The following PAICS variants were observed in gnomAD, a reference collection of about 807,000 sequenced individuals.
The protein encoded by PAICS is bifunctional phosphoribosylaminoimidazole carboxylase/phosphoribosylaminoimidazole succinocarboxamide synthetase.
Under a neutral mutation model 53.7 loss-of-function variants are expected in PAICS, and 33 were observed. The ratio of observed to expected loss-of-function variants is 0.61; its 90% CI spans 0.47 to 0.82. The LOEUF is 0.82. PAICS is among the 40% of genes least tolerant of loss of function. The pLI is 0.00. For missense variants in PAICS, 394 were observed against 494.1 expected, an observed-to-expected ratio of 0.80 and a Z score of 1.92; for synonymous variants, 141 against 167.2, an observed-to-expected ratio of 0.84 and a Z score of 1.21.
chr4:56,436,009 C>G, upstream of PAICS: 1 of 1,521,408 alleles, frequency 6.6e-7, no homozygotes, highest in South Asian at 1.1e-5. Flanking sequence ...GGAGGGGCCG[C>G]CAGTGCGCGC....
chr4:56,421,717 G>A, the PAICS span: 2 of 152,226 alleles, frequency 1.3e-5, no homozygotes, highest in Non-Finnish European at 2.9e-5. Flanking sequence ...AAACTGGTAT[G>A]CTAGAGAACT....
chr4:56,457,647 TCA>T (rs1719282674), intron 8 of PAICS, among the ~76,000 whole-genome samples: 1 of 151,058 alleles, frequency 6.6e-6, no homozygotes, highest in Non-Finnish European at 1.5e-5. Context: ...TTCCCTGCTT[TCA>T]GTTTAGAATT....
At position 56,459,527 on chromosome 4, in the gene PAICS, T is replaced by G. The variant is rs1219242469; in HGVS notation, c.1267T>G (p.Cys423Gly). The G allele has an allele frequency of 6.4e-7, 1 of 1,551,170 alleles. No individual in the cohort carries two copies. Among genetic ancestry groups the G allele is most frequent in the Non-Finnish European group, 8.8e-7 (1 of 1,138,508 alleles). ...GCAGGCTGACAAGAAAATCAGAGAA[T>G]GTAATTTATAAGAAAGAATGCCATT... ...LKQADKKIRE[C>G]NL Residue 423 changes from cysteine (C) to glycine (G), a missense_variant, in exon 9 of 9, where the codon TGT (cysteine) becomes GGT (glycine). Cys to Gly is a radical substitution (Grantham distance 159). Transcript: ENST00000512576.
intron 1 of PAICS, among the ~76,000 whole-genome samples, chr4:56,437,347 C>G (rs1213349087): frequency 6.7e-6 from 1 of 149,470 alleles, no homozygotes; most frequent in Admixed American, 6.7e-5. Flanking sequence ...AACTCCAAAA[C>G]CTTTAGGCAA....
At chr4:56,425,955 T>G in the PAICS span, among the ~76,000 whole-genome samples, 1 of 152,224 alleles carries the variant, frequency 6.6e-6, no homozygotes, top group African/African-American at 2.4e-5. Context: ...GTCTTTACTT[T>G]TCTATTCTCA....
chr4:56,457,839 G>A (rs60972582), intron 8 of PAICS, among the ~76,000 whole-genome samples: 14 of 152,054 alleles, frequency 9.2e-5, no homozygotes, highest in African/African-American at 3.4e-4. Flanking sequence ...TTCTTGGTCT[G>A]CTAACTTAGC....
intron 5 of PAICS, among the ~76,000 whole-genome samples, chr4:56,450,417 GA>G (rs1480672690): frequency 6.6e-6 from 1 of 152,124 alleles, no homozygotes; most frequent in Non-Finnish European, 1.5e-5. Flanking sequence ...TGCTAGTACA[GA>G]AAACACTTAA....
At chr4:56,452,230 G>A (rs1718956869) in intron 7 of PAICS, among the ~76,000 whole-genome samples, 178 bp downstream of exon 7, 1 of 152,074 alleles carries the variant, frequency 6.6e-6, no homozygotes, top group African/African-American at 2.4e-5. Context: ...CCAGGCTGGA[G>A]TACAGTGGCG....
chr4:56,433,469 ACTCC>A, upstream of PAICS, among the ~76,000 whole-genome samples: 1 of 151,202 alleles, frequency 6.6e-6, no homozygotes, highest in Non-Finnish European at 1.5e-5. Flanking sequence ...GGGTACTAAA[ACTCC>A]AACCAGTGCT....
Position 56,441,746 on chromosome 4 carries a change from C to T in PAICS, c.100C>T (p.Gln34Ter), listed in dbSNP as rs1182426731. 1 of 1,604,334 alleles carries T rather than the reference C, an allele frequency of 6.2e-7. No individual in the cohort carries two copies. Among genetic ancestry groups the T allele is most frequent in the Non-Finnish European group, 8.5e-7 (1 of 1,174,358 alleles). The change falls in exon 2 of 9, where the codon CAG becomes TAG. Residue 34 changes from glutamine to a stop codon, truncating the protein, a stop_gained. Coordinates refer to ENST00000512576, the MANE Select transcript of PAICS (RefSeq NM_001079524.2). LOFTEE classifies it high-confidence loss of function. ...LLDSPGKVLL[Q>*]SKDQITAGNA... ...AGACAGTCCAGGAAAAGTCCTCCTG[C>T]AGTCCAAGGACCAGATTACAGCAGG...
chr4:56,437,256 GGT>G (rs57161391), intron 1 of PAICS, among the ~76,000 whole-genome samples: 16,390 of 124,068 alleles, frequency 0.13, 961 homozygotes, highest in Admixed American at 0.15. Flanking sequence ...ATGCCATGAT[GGT>G]GTGTGTGTGT....
chr4:56,421,705 A>G, the PAICS span: 1 of 152,278 alleles, frequency 6.6e-6, no homozygotes, highest in African/African-American at 2.4e-5. Context: ...TGGACAAGAA[A>G]GAAACTGGTA....
chr4:56,433,494 T>C (rs1266958396), upstream of PAICS, among the ~76,000 whole-genome samples: 2 of 147,642 alleles, frequency 1.4e-5, no homozygotes, highest in East Asian at 2.0e-4. Context: ...AACATGTAAG[T>C]TAAAAAAAAA....
rs1009465714 is a variant in PAICS at position 56,459,672 on chromosome 4, C to G, written c.*134C>G. The G allele has an allele frequency of 3.1e-6, 2 of 639,518 alleles. No individual in the cohort carries two copies. Among genetic ancestry groups the G allele is most frequent in the South Asian group, 2.3e-5 (1 of 42,936 alleles). The allele number at this position is 639,518 out of a possible 1,614,324, so 39.6% of individuals were successfully genotyped here. Reference sequence around the variant, plus strand: ...AATGTATTAGTGAATAAATGCTTCTCTAGATCCATATTAATAAACATGAGC... The same window carrying G: ...AATGTATTAGTGAATAAATGCTTCTGTAGATCCATATTAATAAACATGAGC... On this transcript the variant is annotated 3_prime_UTR_variant, in exon 9 of 9. Coordinates refer to ENST00000512576, the MANE Select transcript of PAICS (RefSeq NM_001079524.2).
intron 3 of PAICS, 76 bp downstream of exon 3, chr4:56,446,949 TA>T (rs1466412765): frequency 3.6e-4 from 337 of 926,162 alleles, no homozygotes; most frequent in Non-Finnish European, 4.4e-4. Context: ...TCTAAAGGTT[TA>T]AATATTCAAG....
At chr4:56,456,670 A>G (rs1023469913) in intron 8 of PAICS, among the ~76,000 whole-genome samples, 1 of 149,172 alleles carries the variant, frequency 6.7e-6, no homozygotes. Flanking sequence ...CAGCCTCCCA[A>G]AGTGTTGGGA....
At chr4:56,442,991 G>A (rs1381087532) in intron 2 of PAICS, among the ~76,000 whole-genome samples, 2 of 152,122 alleles carry the variant, frequency 1.3e-5, no homozygotes, top group Admixed American at 1.3e-4. Context: ...CCTCTATGCT[G>A]TGAAAGTGAG....
Position 56,453,737 on chromosome 4 carries a change from T to C in PAICS, c.1087T>C (p.Trp363Arg). 4 of 1,548,766 alleles carry C rather than the reference T, an allele frequency of 2.6e-6. No homozygotes were observed. The highest frequency in any genetic ancestry group is 2.6e-6 in the Non-Finnish European group (3 of 1,144,252). ...LTPDWGVQDVWSSLRLPSGLG... is the reference protein window; with the variant it reads ...LTPDWGVQDVRSSLRLPSGLG... ...ACCAGACTGGGGAGTTCAGGATGTG[T>C]GGTCTTCTCTTCGACTACCCAGTGG... The change falls in exon 8 of 9, where the codon TGG becomes CGG. Residue 363 changes from tryptophan to arginine, a missense_variant. Trp to Arg is a moderately radical substitution (Grantham distance 101, BLOSUM62 -3). Around this residue, in one of 3 missense-constraint regions of PAICS, gnomAD observed 95 missense variants for 89.3 expected, o/e 1.06. Coordinates refer to ENST00000512576, the MANE Select transcript of PAICS (RefSeq NM_001079524.2).
At chr4:56,419,933 T>C in the PAICS span, 1 of 983,694 alleles carries the variant, frequency 1.0e-6, no homozygotes, top group African/African-American at 1.7e-5. Flanking sequence ...AATTTTTTAC[T>C]GAGTTGGATG....
Sources: gnomAD v4.1 joint callset for allele counts (sites outside exome capture counted in the v4.1 genomes callset) on GRCh38, gnomAD v4.1.1 for gene constraint, gnomAD v4.1.1 regional missense constraint, MANE v1.5 for transcripts, NCBI Gene and HGNC (gene_info 2026-07-23, HGNC 2026-07-21) for gene names.